QKI: variants seen among roughly 807,000 people sequenced by gnomAD.
The protein encoded by QKI is KH domain-containing RNA-binding protein QKI.
QKI carries 10 observed loss-of-function variants against 39.0 expected under a neutral mutation model. That is an observed-to-expected ratio of 0.26 (90% CI 0.16 to 0.43). The LOEUF is 0.43. Ranked by LOEUF, QKI falls within the 20% of genes least tolerant of loss-of-function variation. QKI has a pLI of 1.00. For synonymous variants in QKI, 204 were observed against 155.4 expected (o/e 1.31, Z -2.33); for missense variants, 218 against 428.0 (o/e 0.51, Z 4.33).
chr6:163,554,969 A>C (rs577241592), intron 4 of QKI, among the ~76,000 whole-genome samples: 1 of 152,338 alleles, frequency 6.6e-6, no homozygotes, highest in African/African-American at 2.4e-5. Flanking sequence ...TGTTTAAGTC[A>C]ATCAAATTAT....
intron 2 of QKI, among the ~76,000 whole-genome samples, chr6:163,461,239 G>A (rs575890921): frequency 2.0e-5 from 3 of 152,190 alleles, no homozygotes; most frequent in Admixed American, 1.3e-4. Context: ...TTTATGGTTT[G>A]GGATATACCA....
At chr6:163,439,276 G>A (rs559021217) in intron 1 of QKI, among the ~76,000 whole-genome samples, 15 of 148,958 alleles carry the variant, frequency 1.0e-4, no homozygotes, top group African/African-American at 3.2e-4. Context: ...TTGTTCAAGC[G>A]AAAGAATTTA....
intron 3 of QKI, among the ~76,000 whole-genome samples, chr6:163,523,927 C>G (rs79436539): frequency 2.0e-5 from 3 of 152,050 alleles, no homozygotes; most frequent in Non-Finnish European, 2.9e-5. Flanking sequence ...CCATAAGATT[C>G]GATGGAAGCA....
intron 3 of QKI, among the ~76,000 whole-genome samples, chr6:163,486,760 G>C (rs1316334632): frequency 6.6e-6 from 1 of 151,710 alleles, no homozygotes; most frequent in African/African-American, 2.4e-5. Flanking sequence ...ATATGTACAC[G>C]TATGGTATAT....
chr6:163,490,550 C>T (rs56003099), intron 3 of QKI, among the ~76,000 whole-genome samples: 2,991 of 152,110 alleles, frequency 0.02, 97 homozygotes, highest in African/African-American at 0.068. Context: ...GAAATAGAAT[C>T]AACCAGGGTA....
At chr6:163,427,658 C>A (rs1046126935) in intron 1 of QKI, among the ~76,000 whole-genome samples, 6 of 151,688 alleles carry the variant, frequency 4.0e-5, no homozygotes, top group Non-Finnish European at 8.8e-5. Flanking sequence ...ATGTCAGGTG[C>A]GTGCGTGTGT....
chr6:163,435,751 A>G (rs1314781925), intron 1 of QKI, among the ~76,000 whole-genome samples: 5 of 150,344 alleles, frequency 3.3e-5, no homozygotes, highest in Non-Finnish European at 7.4e-5. Context: ...TGCTGTATAT[A>G]TGAGGAACTG....
intron 6 of QKI, 58 bp from the exon 7 acceptor site, chr6:163,566,663 T>C: frequency 6.3e-7 from 1 of 1,594,558 alleles, no homozygotes; most frequent in Non-Finnish European, 8.6e-7. Flanking sequence ...GCTGTTAATG[T>C]TTTTTCCCCC....
At chr6:163,489,020 G>T (rs925996677) in intron 3 of QKI, among the ~76,000 whole-genome samples, 8 of 118,234 alleles carry the variant, frequency 6.8e-5, no homozygotes, top group Non-Finnish European at 1.1e-4. Flanking sequence ...ACAGTTTTGT[G>T]TGTGTATCTG....
intron 3 of QKI, among the ~76,000 whole-genome samples, chr6:163,492,070 C>A (rs890552348): frequency 2.7e-4 from 41 of 152,124 alleles, no homozygotes; most frequent in Admixed American, 2.6e-3. Context: ...GTAACATTTT[C>A]TTTTTAGAGG....
At chr6:163,510,402 A>G (rs1044499822) in intron 3 of QKI, among the ~76,000 whole-genome samples, 1 of 151,554 alleles carries the variant, frequency 6.6e-6, no homozygotes, top group African/African-American at 2.4e-5. Context: ...CTACTTAAAA[A>G]ATACAAAAAT....
chr6:163,415,191 AAT>A lies in QKI; in HGVS notation c.1_2del. ...GGGCGGAGTGAGCTGCGGAGCCTGG[AAT>A]ATGGTCGGGGAAATGGAAACGAAGG... On this transcript the variant is annotated 5_prime_UTR_variant, in exon 1 of 8. Transcript: ENST00000361752. 1 of 1,559,046 alleles carries A rather than the reference AAT, an allele frequency of 6.4e-7. No individual in the cohort carries two copies. Among genetic ancestry groups the A allele is most frequent in the South Asian group, 1.1e-5 (1 of 87,544 alleles).
At chr6:163,423,444 G>C (rs930138007) in intron 1 of QKI, 1 of 152,224 alleles carries the variant, frequency 6.6e-6, no homozygotes, top group East Asian at 1.9e-4. Flanking sequence ...TAGGTGCAAA[G>C]ACAAGTGGGC....
intron 4 of QKI, among the ~76,000 whole-genome samples, chr6:163,553,844 C>T (rs1400542616): frequency 6.6e-6 from 1 of 152,024 alleles, no homozygotes; most frequent in African/African-American, 2.4e-5. Flanking sequence ...GGAGGAGGAG[C>T]ATCATATTTG....
chr6:163,522,366 T>C (rs2128237929), intron 3 of QKI, among the ~76,000 whole-genome samples: 1 of 152,224 alleles, frequency 6.6e-6, no homozygotes, highest in Admixed American at 6.5e-5. Flanking sequence ...ATTTATTAAA[T>C]AAATAAATGA....
chr6:163,463,308 C>T (rs1791478720), intron 2 of QKI, among the ~76,000 whole-genome samples: 1 of 152,112 alleles, frequency 6.6e-6, no homozygotes. Context: ...ACTGATGTAA[C>T]CTCACATGTA....
At chr6:163,415,517 C>A (rs980309030) in intron 1 of QKI, among the ~76,000 whole-genome samples, 182 bp downstream of exon 1, 4 of 149,372 alleles carry the variant, frequency 2.7e-5, no homozygotes, top group Admixed American at 1.3e-4. Flanking sequence ...GCGGGCGGGC[C>A]GGGGTGGACC....
chr6:163,456,083 A>G (rs1790887277), intron 2 of QKI, among the ~76,000 whole-genome samples: 1 of 152,180 alleles, frequency 6.6e-6, no homozygotes, highest in African/African-American at 2.4e-5. Flanking sequence ...AGAATAAGTC[A>G]AGTCTATTCC....
intron 3 of QKI, among the ~76,000 whole-genome samples, chr6:163,515,858 T>G (rs1301052166): frequency 6.6e-6 from 1 of 152,176 alleles, no homozygotes; most frequent in Non-Finnish European, 1.5e-5. Flanking sequence ...GTCCAGCAAT[T>G]GACATTTGCT....
Sources: gnomAD v4.1 joint callset for allele counts (sites outside exome capture counted in the v4.1 genomes callset) on GRCh38, gnomAD v4.1.1 for gene constraint, MANE v1.5 for transcripts, NCBI Gene and HGNC (gene_info 2026-07-23, HGNC 2026-07-21) for gene names.